The following CDH4 variants were observed in gnomAD, a reference collection of about 807,000 sequenced individuals.
CDH4 encodes cadherin-4.
Under a neutral mutation model 86.0 loss-of-function variants are expected in CDH4, and 33 were observed. That is an observed-to-expected ratio of 0.38 (90% CI 0.29 to 0.51). The LOEUF is 0.51. Among genes scored for constraint, CDH4 ranks in the 20% least tolerant of loss-of-function variants. CDH4 has a pLI of 0.86. For synonymous variants in CDH4, 555 were observed against 549.4 expected (o/e 1.01, Z -0.14); for missense variants, 1,114 against 1,307.4 (o/e 0.85, Z 2.28).
intron 7 of CDH4, among the ~76,000 whole-genome samples, chr20:61,884,004 G>A (rs1324535881): frequency 6.6e-6 from 1 of 152,146 alleles, no homozygotes; most frequent in South Asian, 2.1e-4. Flanking sequence ...GGCCTCCCCT[G>A]CCCCCAACAG....
At chr20:61,522,768 C>T (rs1222449725) in intron 2 of CDH4, among the ~76,000 whole-genome samples, 1 of 152,200 alleles carries the variant, frequency 6.6e-6, no homozygotes, top group Non-Finnish European at 1.5e-5. Context: ...GTTTAATTGA[C>T]GGCCCGGTGC....
At chr20:61,256,606 C>T (rs193036318) in intron 2 of CDH4, among the ~76,000 whole-genome samples, 30 of 152,262 alleles carry the variant, frequency 2.0e-4, no homozygotes, top group East Asian at 1.4e-3. Flanking sequence ...AGGTGGTGTT[C>T]GCCTCGTGGG....
chr20:61,798,699 C>CA (rs1175951044), intron 4 of CDH4, among the ~76,000 whole-genome samples: 1 of 152,196 alleles, frequency 6.6e-6, no homozygotes, highest in African/African-American at 2.4e-5. Flanking sequence ...AAGCCAGGGA[C>CA]CCTGGACAGC....
At chr20:61,532,051 C>T (rs117903989) in intron 2 of CDH4, among the ~76,000 whole-genome samples, 97 of 152,340 alleles carry the variant, frequency 6.4e-4, no homozygotes, top group Non-Finnish European at 1.3e-3. Flanking sequence ...TGCCGGCCCT[C>T]AGGCTCTGCC....
chr20:61,815,301 G>T (rs1307743678), intron 4 of CDH4, among the ~76,000 whole-genome samples: 2 of 152,230 alleles, frequency 1.3e-5, no homozygotes, highest in African/African-American at 4.8e-5. Flanking sequence ...GCTGTGGAGG[G>T]CGTGGGGCTA....
rs2088535057 is a variant in CDH4 at position 61,754,505 on chromosome 20, A to G, written c.396+10716A>G. ...TCCCCCTGCCCACTGCAGGCTCCAC[A>G]GGGCTTGGGGTGTCCCTGGGGAGAG... On this transcript the variant is annotated intron_variant, in intron 3 of 15. Coordinates refer to ENST00000614565, the MANE Select transcript of CDH4 (RefSeq NM_001794.5). The surrounding 1 kb of genome is among the most constrained non-coding windows in gnomAD (Gnocchi z 4.7). Among the ~76,000 whole-genome samples, 1 of 152,070 alleles carries G rather than the reference A, an allele frequency of 6.6e-6. No homozygotes were observed. Among genetic ancestry groups the G allele is most frequent in the South Asian group, 2.1e-4 (1 of 4,824 alleles).
chr20:61,275,082 G>A (rs1234187938), intron 2 of CDH4, among the ~76,000 whole-genome samples: 11 of 118,622 alleles, frequency 9.3e-5, no homozygotes, highest in African/African-American at 1.4e-4. Context: ...AGTACCATGT[G>A]TAGTTTGGGG....
intron 2 of CDH4, among the ~76,000 whole-genome samples, chr20:61,678,872 T>G (rs2087475397): frequency 6.6e-6 from 1 of 152,252 alleles, no homozygotes; most frequent in Non-Finnish European, 1.5e-5. Flanking sequence ...GCTCCAACTC[T>G]CCTTGCCTCT....
intron 2 of CDH4, among the ~76,000 whole-genome samples, chr20:61,656,863 G>A (rs1323627573): frequency 6.6e-6 from 1 of 152,228 alleles, no homozygotes; most frequent in Non-Finnish European, 1.5e-5. Flanking sequence ...CTTAGGCTGT[G>A]TGCAGAGGCT....
chr20:61,729,400 C>T (rs143788951), intron 2 of CDH4, among the ~76,000 whole-genome samples: 4 of 152,330 alleles, frequency 2.6e-5, no homozygotes, highest in East Asian at 1.9e-4. Flanking sequence ...CCCTTCCCTG[C>T]GGCCCCCTCT....
chr20:61,480,323 C>T lies in CDH4; in HGVS notation c.169+225386C>T, dbSNP rs1428527810. On this transcript the variant is annotated intron_variant, in intron 2 of 15. Transcript: ENST00000614565. This position sits in a 1 kb window ranked among gnomAD's most constrained non-coding sequence, Gnocchi z 5.2. ...CCCCTGGCTGTGTCCTCTGCTTGGG[C>T]CACTGCCCTGTGCCACTGCCTCAGC... is the stretch of plus-strand genomic sequence containing the variant. 6.6e-6 allele frequency among the ~76,000 whole-genome samples: 1 copy of T among 152,154 alleles called. No homozygotes were observed. The highest frequency in any genetic ancestry group is 2.4e-5 in the African/African-American group (1 of 41,456).
At chr20:61,658,534 A>C (rs1011657322) in intron 2 of CDH4, among the ~76,000 whole-genome samples, 1 of 152,156 alleles carries the variant, frequency 6.6e-6, no homozygotes, top group Non-Finnish European at 1.5e-5. Context: ...GCCCTGCACA[A>C]AACTCAGGAG....
rs574877553 is a variant in CDH4, at chr20:61,873,912, T to C, written c.1050+12T>C. On this transcript the variant is annotated intron_variant, in intron 7 of 15. Coordinates refer to ENST00000614565, the MANE Select transcript of CDH4 (RefSeq NM_001794.5). ...GCCTGGACCGAGAGGTGAGGCGGGGTGGGGTCTGCGTGCAGGCGGGTGAGC... is the reference window on the plus strand; with the variant it reads ...GCCTGGACCGAGAGGTGAGGCGGGGCGGGGTCTGCGTGCAGGCGGGTGAGC... 1.2e-6 allele frequency: 2 copies of C among 1,608,238 alleles called. No homozygotes were observed. The highest frequency in any genetic ancestry group is 1.9e-4 in the Middle Eastern group (1 of 5,396).
At chr20:61,360,405 G>A (rs1300509067) in intron 2 of CDH4, among the ~76,000 whole-genome samples, 1 of 152,190 alleles carries the variant, frequency 6.6e-6, no homozygotes, top group African/African-American at 2.4e-5. Context: ...TCAGGATCCC[G>A]GGTTTGTGTC....
chr20:61,854,532 A>C (rs1318918223), intron 6 of CDH4, among the ~76,000 whole-genome samples: 1 of 147,544 alleles, frequency 6.8e-6, no homozygotes, highest in South Asian at 2.2e-4. Flanking sequence ...CAGTGTGAAC[A>C]GGGTGAATTG....
chr20:61,606,826 C>T (rs2086649457), intron 2 of CDH4, among the ~76,000 whole-genome samples: 1 of 152,236 alleles, frequency 6.6e-6, no homozygotes, highest in Admixed American at 6.5e-5. Context: ...TGTGGCCTTG[C>T]CTGAAGGTCC....
intron 2 of CDH4, among the ~76,000 whole-genome samples, chr20:61,509,711 G>T (rs778550560): frequency 6.6e-6 from 1 of 152,028 alleles, no homozygotes; most frequent in Non-Finnish European, 1.5e-5. Flanking sequence ...TCCACGGAAG[G>T]GGAACAACAG....
intron 2 of CDH4, among the ~76,000 whole-genome samples, chr20:61,627,533 C>G (rs184330254): frequency 2.6e-5 from 4 of 152,302 alleles, no homozygotes; most frequent in Non-Finnish European, 4.4e-5. Flanking sequence ...CGCCAAGTGT[C>G]CCCTGCGGAG....
chr20:61,467,186 G>T (rs1203717064), intron 2 of CDH4, among the ~76,000 whole-genome samples: 3 of 152,196 alleles, frequency 2.0e-5, no homozygotes, highest in Non-Finnish European at 4.4e-5. Flanking sequence ...CTCACATACA[G>T]TCACAGACCT....
Sources: gnomAD v4.1 joint callset for allele counts (sites outside exome capture counted in the v4.1 genomes callset) on GRCh38, gnomAD v4.1.1 for gene constraint, Gnocchi (gnomAD v3.1) non-coding constraint, MANE v1.5 for transcripts, NCBI Gene and HGNC (gene_info 2026-07-23, HGNC 2026-07-21) for gene names.